CTNND2: variants seen among roughly 807,000 people sequenced by gnomAD.
CTNND2 encodes the protein catenin delta-2.
A neutral mutation model predicts 144.4 loss-of-function variants in CTNND2; 22 were observed. The observed-to-expected ratio is 0.15, with a 90% CI of 0.11 to 0.22. The LOEUF (loss-of-function observed/expected upper bound fraction) is 0.22, where lower values mean the gene tolerates loss of function less well. CTNND2 is among the 10% of genes least tolerant of loss of function. The pLI is 1.00. For synonymous variants in CTNND2, 751 were observed against 695.6 expected (o/e 1.08, Z -1.25); for missense variants, 1,353 against 1,618.8 (o/e 0.84, Z 2.82).
intron 9 of CTNND2, among the ~76,000 whole-genome samples, chr5:11,276,006 A>G (rs1410484036): frequency 1.3e-5 from 2 of 152,250 alleles, no homozygotes; most frequent in Admixed American, 1.3e-4. Flanking sequence ...AATTCAAAAC[A>G]ACCTTATTTC....
intron 9 of CTNND2, among the ~76,000 whole-genome samples, chr5:11,250,491 C>CTCTATATATA (rs869141186): frequency 2.0e-3 from 127 of 64,110 alleles, no homozygotes; most frequent in African/African-American, 6.3e-3. Context: ...CTCTCTCTCT[C>CTCTATATATA]TATATATATA....
chr5:11,242,369 G>A (rs1003677467), intron 9 of CTNND2, among the ~76,000 whole-genome samples: 1 of 152,110 alleles, frequency 6.6e-6, no homozygotes, highest in African/African-American at 2.4e-5. Context: ...GTCTCCTCTC[G>A]AATCCATAAA....
chr5:11,879,364 CACACACACACAA>C, intron 1 of CTNND2, among the ~76,000 whole-genome samples: 1 of 58,206 alleles, frequency 1.7e-5, no homozygotes. Context: ...TATACATATA[CACACACACACAA>C]ACATATACAT....
At chr5:11,233,754 A>G (rs948823037) in intron 10 of CTNND2, among the ~76,000 whole-genome samples, 4 of 145,260 alleles carry the variant, frequency 2.8e-5, no homozygotes, top group South Asian at 2.2e-4. Flanking sequence ...GTGTATGTGT[A>G]TATGCACATA....
intron 9 of CTNND2, among the ~76,000 whole-genome samples, chr5:11,303,046 A>T (rs559732586): frequency 6.6e-5 from 10 of 152,096 alleles, no homozygotes; most frequent in Non-Finnish European, 1.0e-4. Context: ...GGTGCCTCCT[A>T]TATGTAATGT....
chr5:11,491,017 T>A (rs1244701833), intron 3 of CTNND2, among the ~76,000 whole-genome samples: 1 of 151,874 alleles, frequency 6.6e-6, no homozygotes, highest in Non-Finnish European at 1.5e-5. Context: ...AAGAAACAAA[T>A]AAAATCACGA....
intron 3 of CTNND2, among the ~76,000 whole-genome samples, chr5:11,501,666 A>C (rs903844140): frequency 5.3e-5 from 8 of 152,100 alleles, no homozygotes; most frequent in South Asian, 2.1e-4. Flanking sequence ...CTGGGAGGTA[A>C]TTAGGTCATG....
chr5:11,525,845 G>A (rs1773195150), intron 3 of CTNND2, among the ~76,000 whole-genome samples: 1 of 152,214 alleles, frequency 6.6e-6, no homozygotes, highest in African/African-American at 2.4e-5. Flanking sequence ...GCTGGGATAG[G>A]CTCTGGGCCA....
In CTNND2 at chr5:11,184,762, G is replaced by T. The variant is rs190229535; in HGVS notation, c.1975+14686C>A. Among the ~76,000 whole-genome samples the T allele has an allele frequency of 1.8e-3, 267 of 152,286 alleles. 1 individual carries two copies. Among genetic ancestry groups the T allele is most frequent in the Non-Finnish European group, 2.8e-3 (191 of 68,010 alleles). On this transcript the variant is annotated intron_variant, in intron 11 of 21. Transcript: ENST00000304623. ...GGTGTGTCCCTAGCAATTTTTGTGT[G>T]AAGTGAATCAAGTTATGTAGAAACT...
intron 9 of CTNND2, among the ~76,000 whole-genome samples, chr5:11,307,098 C>T (rs1343299071): frequency 1.3e-5 from 2 of 150,794 alleles, no homozygotes; most frequent in African/African-American, 2.5e-5. Context: ...AAGTGTGATC[C>T]CAAAGCCTTT....
chr5:11,756,330 T>C (rs1000769285), intron 1 of CTNND2, among the ~76,000 whole-genome samples: 2 of 151,754 alleles, frequency 1.3e-5, no homozygotes, highest in Non-Finnish European at 2.9e-5. Context: ...TGTTTAGTTG[T>C]TATGTGAAAA....
intron 9 of CTNND2, among the ~76,000 whole-genome samples, chr5:11,344,205 C>A (rs1754537173): frequency 6.6e-6 from 1 of 151,824 alleles, no homozygotes; most frequent in Non-Finnish European, 1.5e-5. Flanking sequence ...GAGATCGAGA[C>A]CACGGTGAAA....
intron 9 of CTNND2, among the ~76,000 whole-genome samples, chr5:11,344,348 C>T (rs1195926697): frequency 4.0e-5 from 6 of 151,296 alleles, no homozygotes; most frequent in Non-Finnish European, 5.9e-5. Flanking sequence ...GCGGAGATCG[C>T]GCCACAGCAC....
intron 1 of CTNND2, among the ~76,000 whole-genome samples, chr5:11,845,228 A>T (rs1220575838): frequency 6.6e-6 from 1 of 152,170 alleles, no homozygotes; most frequent in African/African-American, 2.4e-5. Flanking sequence ...GGGTCTAAAC[A>T]TCTTGTTTTC....
chr5:11,470,980 A>ATTTTTT (rs1171276873), intron 3 of CTNND2, among the ~76,000 whole-genome samples: 6 of 91,576 alleles, frequency 6.6e-5, no homozygotes, highest in African/African-American at 3.5e-4. Context: ...ATATATATAT[A>ATTTTTT]TTTTTTTTTT....
intron 16 of CTNND2, among the ~76,000 whole-genome samples, chr5:11,025,055 C>T (rs1397423298): frequency 6.6e-6 from 1 of 152,152 alleles, no homozygotes; most frequent in Non-Finnish European, 1.5e-5. Flanking sequence ...TTGGATTTAT[C>T]TTATTTCTAG....
At chr5:11,378,235 T>C (rs114053263) in intron 7 of CTNND2, among the ~76,000 whole-genome samples, 1,967 of 152,290 alleles carry the variant, frequency 0.013, 36 homozygotes, top group African/African-American at 0.045. Context: ...CAATGCACTA[T>C]GCAGAAGAGA....
intron 2 of CTNND2, among the ~76,000 whole-genome samples, chr5:11,706,188 T>C (rs189052824): frequency 6.6e-6 from 1 of 152,312 alleles, no homozygotes; most frequent in Admixed American, 6.5e-5. Flanking sequence ...CAACCCTTGA[T>C]TGCAGCTGTG....
At chr5:11,770,428 G>A (rs868713347) in intron 1 of CTNND2, among the ~76,000 whole-genome samples, 2,443 of 132,838 alleles carry the variant, frequency 0.018, 81 homozygotes, top group Middle Eastern at 0.036. Context: ...AGGAAGGAAG[G>A]AAGGAAGGAA....
Sources: gnomAD v4.1 joint callset for allele counts (sites outside exome capture counted in the v4.1 genomes callset) on GRCh38, gnomAD v4.1.1 for gene constraint, MANE v1.5 for transcripts, NCBI Gene and HGNC (gene_info 2026-07-23, HGNC 2026-07-21) for gene names.